Variants in RORA observed in about 807,000 individuals in gnomAD.
The protein encoded by RORA is RAR related orphan receptor A, also known as nuclear receptor ROR-alpha.
Under a neutral mutation model 69.5 loss-of-function variants are expected in RORA, and 7 were observed. The ratio of observed to expected loss-of-function variants is 0.10; its 90% CI spans 0.06 to 0.19. The LOEUF is 0.19. RORA is among the 10% of genes least tolerant of loss of function. The pLI is 1.00. For missense variants in RORA, 457 were observed against 663.0 expected, an observed-to-expected ratio of 0.69 and a Z score of 3.41; for synonymous variants, 261 against 240.8, an observed-to-expected ratio of 1.08 and a Z score of -0.78.
At position 61,124,831 on chromosome 15, in the gene RORA, G is replaced by T. The variant is rs115300552; in HGVS notation, c.166+104222C>A. Among the ~76,000 whole-genome samples the T allele has an allele frequency of 8.2e-3, 1,255 of 152,250 alleles. 22 individuals carry two copies. The highest frequency in any genetic ancestry group is 0.028 in the African/African-American group (1,171 of 41,532). On this transcript the variant is annotated intron_variant, in intron 1 of 10. Transcript: ENST00000335670. ...ATAAGAAGATCACACTTCACTAGCT[G>T]ATTGCTAACCTTCCACTCTGACCTC...
At chr15:60,587,552 C>G (rs979134199) in intron 2 of RORA, among the ~76,000 whole-genome samples, 3 of 152,196 alleles carry the variant, frequency 2.0e-5, no homozygotes, top group Non-Finnish European at 4.4e-5. Context: ...TCATCAGTCA[C>G]TGATGGGACT....
chr15:60,973,041 C>T (rs568307060), intron 1 of RORA, among the ~76,000 whole-genome samples: 1 of 151,326 alleles, frequency 6.6e-6, no homozygotes, highest in South Asian at 2.1e-4. Flanking sequence ...CTAAGTCATC[C>T]GATGACTCAT....
intron 1 of RORA, among the ~76,000 whole-genome samples, chr15:61,030,099 T>C (rs766074212): frequency 1.3e-5 from 2 of 152,120 alleles, no homozygotes; most frequent in African/African-American, 2.4e-5. Context: ...GTAACTGACC[T>C]AGAGTCATCA....
chr15:60,552,450 T>C (rs1306697680), intron 2 of RORA, among the ~76,000 whole-genome samples: 1 of 152,188 alleles, frequency 6.6e-6, no homozygotes, highest in African/African-American at 2.4e-5. Flanking sequence ...TTATTAGCTG[T>C]CTCCACACAT....
chr15:60,741,893 G>A lies in RORA; in HGVS notation c.167-63207C>T, dbSNP rs527599737. 3.9e-5 allele frequency among the ~76,000 whole-genome samples: 6 copies of A among 152,154 alleles called. No individual in the cohort carries two copies. The South Asian group carries it at 6.2e-4, about 16-fold the overall frequency. On this transcript the variant is annotated intron_variant, in intron 1 of 10. Coordinates refer to ENST00000335670, the MANE Select transcript of RORA (RefSeq NM_134261.3). The stretch of plus-strand genomic sequence containing the variant: ...TCCCCTCACTCGCCTCAAACCAACC[G>A]TGCAAATCTCCTTGGGAAGCAACAT...
At chr15:61,206,419 G>C (rs1020021742) in intron 1 of RORA, among the ~76,000 whole-genome samples, 2 of 152,146 alleles carry the variant, frequency 1.3e-5, no homozygotes, top group African/African-American at 2.4e-5. Context: ...TGTATGCAAA[G>C]CACTGTGTTA....
chr15:61,153,200 G>A (rs2079412804), intron 1 of RORA, among the ~76,000 whole-genome samples: 1 of 152,200 alleles, frequency 6.6e-6, no homozygotes, highest in Admixed American at 6.5e-5. Flanking sequence ...GGAGCCCCAA[G>A]GAGCTGGTCT....
intron 2 of RORA, among the ~76,000 whole-genome samples, chr15:60,618,008 T>G (rs2069302561): frequency 6.6e-6 from 1 of 152,216 alleles, no homozygotes; most frequent in Admixed American, 6.5e-5. Context: ...CATAGAGAAG[T>G]GAATGGGGCT....
chr15:60,542,830 A>G (rs2140360017), intron 2 of RORA, among the ~76,000 whole-genome samples: 1 of 151,582 alleles, frequency 6.6e-6, no homozygotes, highest in South Asian at 2.1e-4. Context: ...GGCACCAAGG[A>G]TACGGCACAC....
At chr15:61,159,720 T>C (rs1489658214) in intron 1 of RORA, among the ~76,000 whole-genome samples, 1 of 152,240 alleles carries the variant, frequency 6.6e-6, no homozygotes, top group African/African-American at 2.4e-5. Flanking sequence ...ATTTTGAATG[T>C]GCAATGGCAA....
chr15:60,720,336 G>A (rs919857589), intron 1 of RORA, among the ~76,000 whole-genome samples: 1 of 152,042 alleles, frequency 6.6e-6, no homozygotes, highest in African/African-American at 2.4e-5. Context: ...GCATGCGAGA[G>A]TCCTATTTGG....
chr15:60,994,492 C>T (rs148592451), intron 1 of RORA, among the ~76,000 whole-genome samples: 19 of 152,256 alleles, frequency 1.2e-4, no homozygotes, highest in African/African-American at 4.6e-4. Flanking sequence ...TTTCATGAGC[C>T]CCAGGAAAAA....
chr15:60,930,342 A>T (rs1892339412), intron 1 of RORA, among the ~76,000 whole-genome samples: 2 of 152,064 alleles, frequency 1.3e-5, no homozygotes, highest in African/African-American at 4.8e-5. Context: ...ATATCCTCCC[A>T]CCTCCATTCT....
At chr15:60,769,417 CA>C (rs934303115) in intron 1 of RORA, among the ~76,000 whole-genome samples, 5 of 151,800 alleles carry the variant, frequency 3.3e-5, no homozygotes, top group African/African-American at 7.2e-5. Context: ...AAAAGAACAA[CA>C]AAAAAAACCC....
intron 2 of RORA, among the ~76,000 whole-genome samples, chr15:60,632,067 A>G (rs1340365417): frequency 1.3e-5 from 2 of 152,092 alleles, no homozygotes. Context: ...TTTATTAATA[A>G]CTATTTATGT....
chr15:61,227,780 C>T (rs918925490), intron 1 of RORA, among the ~76,000 whole-genome samples: 26 of 152,196 alleles, frequency 1.7e-4, no homozygotes, highest in Non-Finnish European at 3.7e-4. Context: ...TCCTCTCCGT[C>T]CCCAGCTCCA....
At chr15:60,910,425 G>A (rs760653691) in intron 1 of RORA, among the ~76,000 whole-genome samples, 8 of 152,154 alleles carry the variant, frequency 5.3e-5, no homozygotes, top group African/African-American at 1.7e-4. Flanking sequence ...AGCCATCTGC[G>A]GTATCTTTTT....
At chr15:60,589,777 A>C (rs1567109261) in intron 2 of RORA, among the ~76,000 whole-genome samples, 1 of 152,154 alleles carries the variant, frequency 6.6e-6, no homozygotes. Flanking sequence ...TGTTTAAAAA[A>C]CATCAGTAAA....
At position 60,537,023 on chromosome 15, in the gene RORA, A is replaced by C. The variant is rs1484052229; in HGVS notation, c.197-5172T>G. ...AAAAAGAAAAACCCTAAGGCATTTG[A>C]TTTTATTTTCAGTAAAATGGCTTGA... On this transcript the variant is annotated intron_variant, in intron 2 of 10. Coordinates refer to ENST00000335670, the MANE Select transcript of RORA (RefSeq NM_134261.3). The surrounding 1 kb of genome is among the most constrained non-coding windows in gnomAD (Gnocchi z 4.9). Among the ~76,000 whole-genome samples, 3 of 152,216 alleles carry C rather than the reference A, an allele frequency of 2.0e-5. No homozygotes were observed. Among genetic ancestry groups the C allele is most frequent in the Admixed American group, 6.5e-5 (1 of 15,284 alleles).
Sources: gnomAD v4.1 joint callset for allele counts (sites outside exome capture counted in the v4.1 genomes callset) on GRCh38, gnomAD v4.1.1 for gene constraint, Gnocchi (gnomAD v3.1) non-coding constraint, MANE v1.5 for transcripts, NCBI Gene and HGNC (gene_info 2026-07-23, HGNC 2026-07-21) for gene names.